Variants in ATAD3C observed in about 807,000 individuals in gnomAD.
ATAD3C encodes ATPase family AAA domain containing 3C.
In ATAD3C, 38 loss-of-function variants were observed where a neutral mutation model predicts 46.3. That is an observed-to-expected ratio of 0.82 (90% confidence interval 0.63 to 1.08). The LOEUF (loss-of-function observed/expected upper bound fraction) is 1.08. Ranked by LOEUF, ATAD3C falls within the 50% of genes least tolerant of loss-of-function variation. The probability of loss-of-function intolerance (pLI) is 0.00; values close to 1 mark genes in which losing one functional copy is unlikely to be tolerated. For synonymous variants in ATAD3C, 220 were observed against 236.4 expected (o/e 0.93, Z 0.63); for missense variants, 563 against 572.7 (o/e 0.98, Z 0.17).
chr1:1,452,519 T>C (rs764809800), intron 3 of ATAD3C, 85 bp downstream of exon 3: 21 of 1,602,160 alleles, frequency 1.3e-5, no homozygotes, highest in African/African-American at 4.0e-5. Context: ...CTATCCCTGC[T>C]GGCTCTGCAC....
In ATAD3C at chr1:1,450,366, C is replaced by A. The variant is rs1461278942; in HGVS notation, c.-318C>A. The A allele has an allele frequency of 1.8e-5, 5 of 279,478 alleles. No individual in the cohort carries two copies. Among genetic ancestry groups the A allele is most frequent in the East Asian group, 6.2e-5 (1 of 16,078 alleles). 17.3% of individuals were successfully genotyped at this position (279,478 alleles called of 1,614,324 possible). A position where few individuals can be genotyped will look rare whatever the true frequency, so the allele number is the denominator to read the frequency against. On this transcript the variant is annotated 5_prime_UTR_variant, in exon 1 of 12. Coordinates refer to ENST00000378785, the MANE Select transcript of ATAD3C (RefSeq NM_001039211.3). ...AGCATGTGTAACGTGAAAAAATGGA[C>A]ACTTTAGCCATCGCCTGACTTTCTG...
At chr1:1,457,629 T>C (rs904541915) in intron 8 of ATAD3C, among the ~76,000 whole-genome samples, 2 of 147,840 alleles carry the variant, frequency 1.4e-5, no homozygotes, top group South Asian at 2.1e-4. Flanking sequence ...AAAAACAGCA[T>C]TTTTTTAGGT....
At chr1:1,452,305 T>C in intron 2 of ATAD3C, 60 bp from the exon 3 acceptor site, 1 of 1,612,010 alleles carries the variant, frequency 6.2e-7, no homozygotes, top group African/African-American at 1.3e-5. Context: ...CTCAACCTGT[T>C]CTTGCTACGT....
At chr1:1,452,532 G>T in intron 3 of ATAD3C, 98 bp downstream of exon 3, 1 of 1,582,824 alleles carries the variant, frequency 6.3e-7, no homozygotes, top group Non-Finnish European at 8.7e-7. Context: ...CTCTGCACAG[G>T]TCCTGGCGCT....
intron 11 of ATAD3C, among the ~76,000 whole-genome samples, chr1:1,466,178 G>T (rs552055542): frequency 1.3e-5 from 2 of 149,972 alleles, no homozygotes; most frequent in African/African-American, 2.5e-5. Flanking sequence ...GCAAGCAGAG[G>T]TTGCGGTGAG....
chr1:1,464,860 A>T (rs1639122219), intron 11 of ATAD3C, among the ~76,000 whole-genome samples: 1 of 151,866 alleles, frequency 6.6e-6, no homozygotes, highest in Non-Finnish European at 1.5e-5. Flanking sequence ...TGTTGCTTTG[A>T]TGTCTCTCAG....
intron 3 of ATAD3C, 68 bp from the exon 4 acceptor site, chr1:1,454,277 G>A (rs1003731102): frequency 1.6e-5 from 24 of 1,527,168 alleles, no homozygotes; most frequent in Middle Eastern, 2.3e-4. Flanking sequence ...GGGCAGCCCC[G>A]TGCGTCTCCT....
chr1:1,452,081 G>A lies in ATAD3C; in HGVS notation c.111G>A (p.Glu37=). 6.2e-7 allele frequency: 1 copy of A among 1,613,714 alleles called. No individual in the cohort carries two copies. The highest frequency in any genetic ancestry group is 1.7e-5 in the Admixed American group (1 of 59,992). The part of the protein sequence containing the change: ...LVNEDLRKQE[E]SVQKHHQTFL... The stretch of plus-strand genomic sequence containing the variant: ...ATGAGGATTTACGGAAGCAGGAGGA[G>A]TCCGTGCAGAAGCACCATCAGACCT... The change falls in exon 2 of 12, where the codon GAG becomes GAA. Residue 37 remains glutamate, a synonymous_variant. Coordinates refer to ENST00000378785, the MANE Select transcript of ATAD3C (RefSeq NM_001039211.3).
Position 1,459,202 on chromosome 1 carries a change from C to T in ATAD3C, c.783C>T (p.Phe261=), listed in dbSNP as rs543633168. ...ACCTCAGGGCCACACTGAACGCCTT[C>T]CTGTACCGCACGGGCCAGCACAGCA... is the stretch of plus-strand genomic sequence containing the variant. ...SEDLRATLNA[F]LYRTGQHSNK... is the part of the protein sequence containing the mutation. The change falls in exon 9 of 12, where the codon TTC becomes TTT. Residue 261 remains phenylalanine (F), a synonymous_variant. Coordinates refer to ENST00000378785, the MANE Select transcript of ATAD3C (RefSeq NM_001039211.3). The surrounding 1 kb of genome is among the most constrained non-coding windows in gnomAD (Gnocchi z 4.9). 2.5e-6 allele frequency: 4 copies of T among 1,612,768 alleles called. No individual in the cohort carries two copies. In the African/African-American group the frequency reaches 5.3e-5, roughly 22 times the overall value.
chr1:1,457,520 C>T (rs907513459), intron 8 of ATAD3C, among the ~76,000 whole-genome samples: 4 of 137,524 alleles, frequency 2.9e-5, no homozygotes, highest in South Asian at 2.4e-4. Flanking sequence ...GGCGTGAACC[C>T]GGGAGGCGAA....
rs368568045 is a variant in ATAD3C at position 1,462,677 on chromosome 1, G to C, written c.1058G>C (p.Arg353Pro). 1.2e-6 allele frequency: 2 copies of C among 1,605,688 alleles called. No individual in the cohort carries two copies. The highest frequency in any genetic ancestry group is 1.7e-6 in the Non-Finnish European group (2 of 1,176,596). The change falls in exon 11 of 12, where the codon CGG becomes CCG. Residue 353 changes from arginine (R) to proline (P), a missense_variant. Physicochemically the swap from Arg to Pro is moderately radical, Grantham distance 103. Around this residue, in one of 3 missense-constraint regions of ATAD3C, gnomAD observed 273 missense variants for 253.5 expected, o/e 1.08. Transcript: ENST00000378785. This position sits in a 1 kb window ranked among gnomAD's most constrained non-coding sequence, Gnocchi z 4.5. ...CGGCTGACAGAGGGCATGTCATGCC[G>C]GAAGATCGCACAGCTGGCCGTGTCC... ...IARLTEGMSC[R>P]KIAQLAVSWQ...
At position 1,460,641 on chromosome 1, in the gene ATAD3C, C is replaced by T. The variant is rs1570154131; in HGVS notation, c.813-109C>T. On this transcript the variant is annotated intron_variant, in intron 9 of 11. Transcript: ENST00000378785. The stretch of plus-strand genomic sequence containing the variant: ...TGTTTCCTGTGCTCACAAGCTGCCA[C>T]TTTAGATTCTCCCAGAAAGTCTTCC... The T allele has an allele frequency of 4.2e-6, 6 of 1,417,614 alleles. No individual in the cohort carries two copies. In the South Asian group the frequency reaches 7.8e-5, roughly 18 times the overall value. 87.8% of individuals were successfully genotyped at this position (1,417,614 alleles called of 1,614,324 possible).
rs756618775 is a variant in ATAD3C, at chr1:1,454,482, G to T, written c.360G>T (p.Ala120=). 3 of 1,608,982 alleles carry T rather than the reference G, an allele frequency of 1.9e-6. No individual in the cohort carries two copies. The highest frequency in any genetic ancestry group is 2.2e-5 in the East Asian group (1 of 44,734). ...CGTCCCGCATCACGGTGCTTGAGGC[G>T]CTGCGGCACCCCATCCAGGTAGCGG... is the stretch of plus-strand genomic sequence containing the variant. The part of the protein sequence containing the change: ...RETSRITVLE[A]LRHPIQQVSR... Residue 120 remains alanine, a synonymous_variant, in exon 4 of 12, where the codon GCG becomes GCT. Transcript: ENST00000378785.
chr1:1,454,580 A>G, intron 4 of ATAD3C, 80 bp downstream of exon 4: 2 of 1,516,958 alleles, frequency 1.3e-6, no homozygotes, highest in Non-Finnish European at 1.8e-6. Context: ...GCCCACGCAT[A>G]TACTCCTGTC....
intron 9 of ATAD3C, among the ~76,000 whole-genome samples, chr1:1,460,535 C>G (rs536585380): frequency 6.6e-6 from 1 of 152,174 alleles, no homozygotes; most frequent in African/African-American, 2.4e-5. Flanking sequence ...AGAACAGAGG[C>G]CCAGGAAGCC....
intron 11 of ATAD3C, among the ~76,000 whole-genome samples, chr1:1,465,975 C>A (rs1340331515): frequency 2.6e-5 from 4 of 151,830 alleles, no homozygotes; most frequent in African/African-American, 9.7e-5. Context: ...TCCTTCAATT[C>A]TTGGTTTGGT....
intron 10 of ATAD3C, 110 bp downstream of exon 10, chr1:1,461,027 C>A (rs1476320621): frequency 1.5e-6 from 2 of 1,335,430 alleles, no homozygotes; most frequent in Non-Finnish European, 2.0e-6. Flanking sequence ...ATGGGCACCA[C>A]CTCCCTGCCC....
At chr1:1,464,100 G>A (rs1246108716) in intron 11 of ATAD3C, among the ~76,000 whole-genome samples, 3 of 151,332 alleles carry the variant, frequency 2.0e-5, no homozygotes, top group South Asian at 2.1e-4. Flanking sequence ...TCAGCTACTC[G>A]GGAGGCTGAG....
Position 1,459,983 on chromosome 1 carries a change from C to G in ATAD3C, c.812+752C>G, listed in dbSNP as rs951041075. Among the ~76,000 whole-genome samples, 1 of 151,988 alleles carries G rather than the reference C, an allele frequency of 6.6e-6. No homozygotes were observed. The highest frequency in any genetic ancestry group is 1.5e-5 in the Non-Finnish European group (1 of 67,976). On this transcript the variant is annotated intron_variant, in intron 9 of 11. Transcript: ENST00000378785. The surrounding 1 kb of genome is among the most constrained non-coding windows in gnomAD (Gnocchi z 4.9). ...CGCTCCCTGGAGCCCTGACTCGGGT[C>G]CTTCCCAGAGAGGCAAGGCTGGGGC...
Sources: gnomAD v4.1 joint callset for allele counts (sites outside exome capture counted in the v4.1 genomes callset) on GRCh38, gnomAD v4.1.1 for gene constraint, gnomAD v4.1.1 regional missense constraint, Gnocchi (gnomAD v3.1) non-coding constraint, MANE v1.5 for transcripts, NCBI Gene and HGNC (gene_info 2026-07-23, HGNC 2026-07-21) for gene names.